The following RTL4 variants were observed in gnomAD, a reference collection of about 807,000 sequenced individuals.
The protein encoded by RTL4 is retrotransposon Gag like 4, also known as retrotransposon Gag-like protein 4.
A neutral mutation model predicts 5.3 loss-of-function variants in RTL4; 4 were observed. The observed-to-expected ratio is 0.75, with a 90% CI of 0.37 to 1.72. The LOEUF (loss-of-function observed/expected upper bound fraction) is 1.72. Ranked by LOEUF, RTL4 falls within the 40% of genes most tolerant of loss-of-function variation. RTL4 has a pLI of 0.04. For missense variants in RTL4, 260 were observed against 227.1 expected (o/e 1.14, Z -0.93); for synonymous variants, 98 against 87.3 (o/e 1.12, Z -0.68).
At chrX:112,243,232 CCT>C in the RTL4 span, among the ~76,000 whole-genome samples, 1 of 111,419 alleles carries the variant, frequency 9.0e-6, no homozygotes, top group Admixed American at 9.5e-5. Context: ...GGGAGGATTC[CCT>C]CTTTTTCTAT....
At chrX:112,084,846 G>T in the RTL4 span, among the ~76,000 whole-genome samples, 1 of 111,754 alleles carries the variant, frequency 8.9e-6, no homozygotes, top group Non-Finnish European at 1.9e-5. Flanking sequence ...GACTGTGTGT[G>T]CTTCTGAAAT....
At chrX:112,151,236 T>C in the RTL4 span, among the ~76,000 whole-genome samples, 1 of 112,353 alleles carries the variant, frequency 8.9e-6, no homozygotes, top group African/African-American at 3.2e-5. Flanking sequence ...ACATTGGGGA[T>C]ACATTTTATT....
At chrX:112,094,464 G>A in the RTL4 span, among the ~76,000 whole-genome samples, 3 of 110,879 alleles carry the variant, frequency 2.7e-5, no homozygotes, top group Non-Finnish European at 5.7e-5. Flanking sequence ...TATAAGTCTG[G>A]AATGCAGAAG....
rs771202848 is a variant in RTL4, at chrX:112,455,332, A to G, written c.604A>G (p.Met202Val). The G allele has an allele frequency of 1.7e-5, 21 of 1,211,695 alleles. No individual in the cohort carries two copies. The highest frequency in any genetic ancestry group is 2.3e-5 in the Non-Finnish European group (21 of 895,504). ...GGATGAAGAGAGTGTCACTGATATG[A>G]TGGACAATCTTCCAGACCTGATCAC... The change falls in exon 1 of 1, where the codon ATG becomes GTG. Residue 202 changes from methionine (M) to valine (V), a missense_variant. Transcript: ENST00000340433.
At chrX:112,186,863 A>G in the RTL4 span, among the ~76,000 whole-genome samples, 1 of 112,246 alleles carries the variant, frequency 8.9e-6, no homozygotes, top group Non-Finnish European at 1.9e-5. Context: ...GTGTCCCAGG[A>G]GGCTGACCTT....
chrX:112,088,169 A>G, the RTL4 span, among the ~76,000 whole-genome samples: 3 of 109,118 alleles, frequency 2.7e-5, no homozygotes, highest in African/African-American at 1.0e-4. Flanking sequence ...TTTTCATCAT[A>G]CCAAAAGAAG....
At chrX:112,321,032 G>T in the RTL4 span, among the ~76,000 whole-genome samples, 1 of 110,975 alleles carries the variant, frequency 9.0e-6, no homozygotes, top group Non-Finnish European at 1.9e-5. Flanking sequence ...CCTCATCTTG[G>T]GTTTGTAAGG....
At chrX:112,448,641 A>G in the RTL4 span, among the ~76,000 whole-genome samples, 1 of 111,474 alleles carries the variant, frequency 9.0e-6, no homozygotes, top group South Asian at 3.8e-4. Context: ...CCCCAGTGAT[A>G]TAGAACTGGT....
upstream of RTL4, among the ~76,000 whole-genome samples, chrX:112,452,186 G>A (rs180837963): frequency 3.8e-5 from 4 of 106,287 alleles, no homozygotes; most frequent in East Asian, 1.2e-3. Context: ...TGCCTGCCAG[G>A]TTCAAGCGAT....
chrX:112,424,254 CA>C, the RTL4 span, among the ~76,000 whole-genome samples: 1 of 111,819 alleles, frequency 8.9e-6, no homozygotes, highest in Admixed American at 9.5e-5. Flanking sequence ...ATTTACAAGG[CA>C]GCAAATGCAC....
At chrX:112,110,174 C>T in the RTL4 span, among the ~76,000 whole-genome samples, 6 of 112,052 alleles carry the variant, frequency 5.4e-5, no homozygotes, top group South Asian at 3.7e-4. Context: ...GGCAGTGTCT[C>T]ATACTATCCC....
At chrX:112,333,103 T>C in the RTL4 span, among the ~76,000 whole-genome samples, 1 of 110,767 alleles carries the variant, frequency 9.0e-6, no homozygotes, top group Non-Finnish European at 1.9e-5. Flanking sequence ...TGTGTGTGTG[T>C]GTGTGAATAT....
the RTL4 span, among the ~76,000 whole-genome samples, chrX:112,297,176 G>T: frequency 1.5e-4 from 17 of 111,066 alleles, no homozygotes; most frequent in East Asian, 3.4e-3. Flanking sequence ...ACAAATTAAG[G>T]CTCTTCTTAG....
the RTL4 span, among the ~76,000 whole-genome samples, chrX:112,196,457 G>A: frequency 8.9e-6 from 1 of 111,876 alleles, no homozygotes; most frequent in Admixed American, 9.5e-5. Context: ...GTATATACAG[G>A]TTTTTGTGTG....
At chrX:112,216,952 G>A in the RTL4 span, among the ~76,000 whole-genome samples, 6 of 112,083 alleles carry the variant, frequency 5.4e-5, no homozygotes, top group Middle Eastern at 4.2e-3. Flanking sequence ...TGTGCAAATA[G>A]TGAGTGATCC....
chrX:112,249,786 T>C, the RTL4 span, among the ~76,000 whole-genome samples: 3 of 90,889 alleles, frequency 3.3e-5, no homozygotes, highest in African/African-American at 1.3e-4. Flanking sequence ...ATTATATATA[T>C]ATATATAGAG....
At chrX:112,157,064 T>TG in the RTL4 span, among the ~76,000 whole-genome samples, 156 of 96,590 alleles carry the variant, frequency 1.6e-3, no homozygotes, top group African/African-American at 5.4e-3. Context: ...GTTATACTGT[T>TG]TGTGTGTGTG....
the RTL4 span, among the ~76,000 whole-genome samples, chrX:112,324,268 T>A: frequency 8.9e-6 from 1 of 112,521 alleles, no homozygotes; most frequent in South Asian, 3.6e-4. Flanking sequence ...ACCTTATTTC[T>A]TTTTGTGGCT....
the RTL4 span, among the ~76,000 whole-genome samples, chrX:112,402,537 G>A: frequency 9.1e-6 from 1 of 109,515 alleles, no homozygotes; most frequent in East Asian, 2.9e-4. Context: ...TCATTCCTAA[G>A]TTTTCAGAAG....
Sources: gnomAD v4.1 joint callset for allele counts (sites outside exome capture counted in the v4.1 genomes callset) on GRCh38, gnomAD v4.1.1 for gene constraint, MANE v1.5 for transcripts, NCBI Gene and HGNC (gene_info 2026-07-23, HGNC 2026-07-21) for gene names.